COG3: variants seen among roughly 807,000 people sequenced by gnomAD.
The protein encoded by COG3 is conserved oligomeric Golgi complex subunit 3.
COG3 carries 32 observed loss-of-function variants against 114.1 expected under a neutral mutation model. That is an observed-to-expected ratio of 0.28 (90% confidence interval 0.21 to 0.38). COG3 has a LOEUF of 0.38. COG3 is among the 10% of genes least tolerant of loss of function. The pLI, the probability that COG3 is intolerant of heterozygous loss-of-function variation, is 1.00. For missense variants in COG3, 813 were observed against 973.2 expected (o/e 0.84, Z 2.19); for synonymous variants, 352 against 365.7 (o/e 0.96, Z 0.43).
chr13:45,516,121 AT>A, intron 16 of COG3, 21 bp from the exon 17 acceptor site: 2 of 1,513,470 alleles, frequency 1.3e-6, no homozygotes, highest in African/African-American at 1.4e-5. Flanking sequence ...GATCATATCC[AT>A]TTTTCTGTCT....
chr13:45,534,491 AAAC>A (rs1873419731), intron 22 of COG3: 1 of 410,752 alleles, frequency 2.4e-6, no homozygotes, highest in South Asian at 6.9e-5. Context: ...TTGGGGCTCT[AAAC>A]AACTTTTTTT....
At chr13:45,526,190 A>G (rs1321124774) in intron 20 of COG3, among the ~76,000 whole-genome samples, 2 of 139,732 alleles carry the variant, frequency 1.4e-5, no homozygotes, top group Admixed American at 7.9e-5. Flanking sequence ...GATTTAACCA[A>G]TTCTCCTGCC....
chr13:45,534,811 G>GTTTT lies in COG3; in HGVS notation c.*80_*81insTTTT. On this transcript the variant is annotated 3_prime_UTR_variant, in exon 23 of 23. Coordinates refer to ENST00000349995, the MANE Select transcript of COG3 (RefSeq NM_031431.4). The stretch of plus-strand genomic sequence containing the variant: ...AGTCTTGCAGTCTGCAGGACACCGA[G>GTTTT]GAATCGTATGTGGGAACGTCCCCGA... The GTTTT allele has an allele frequency of 6.9e-7, 1 of 1,451,368 alleles. No individual in the cohort carries two copies. The highest frequency in any genetic ancestry group is 9.1e-7 in the Non-Finnish European group (1 of 1,101,208). 89.9% of individuals were successfully genotyped at this position (1,451,368 alleles called of 1,614,324 possible). A position where few individuals can be genotyped will look rare whatever the true frequency, so the allele number is the denominator to read the frequency against.
At chr13:45,497,370 A>C (rs1868921259) in intron 13 of COG3, among the ~76,000 whole-genome samples, 1 of 152,194 alleles carries the variant, frequency 6.6e-6, no homozygotes, top group Admixed American at 6.5e-5. Flanking sequence ...CAAAAGTAGA[A>C]ACTGTAATAT....
intron 14 of COG3, among the ~76,000 whole-genome samples, chr13:45,505,154 T>C (rs1566260304): frequency 6.6e-6 from 1 of 150,582 alleles, no homozygotes; most frequent in East Asian, 2.0e-4. Flanking sequence ...GCCACTGTAC[T>C]CCAGCCTGGG....
In COG3 at chr13:45,497,735, G is replaced by A. The variant is rs1341090259; in HGVS notation, c.1488+1423G>A. On this transcript the variant is annotated intron_variant, in intron 13 of 22. Coordinates refer to ENST00000349995, the MANE Select transcript of COG3 (RefSeq NM_031431.4). The stretch of plus-strand genomic sequence containing the variant: ...CGGGAGGTGGAGGTTTCAGGGAGCC[G>A]AGATCACGCCATTGCACTCCAGCCT... 2.0e-5 allele frequency among the ~76,000 whole-genome samples: 3 copies of A among 151,724 alleles called. No homozygotes were observed. In the East Asian group the frequency reaches 5.8e-4, roughly 29 times the overall value.
At chr13:45,526,277 G>A (rs1265137751) in intron 20 of COG3, among the ~76,000 whole-genome samples, 1 of 151,108 alleles carries the variant, frequency 6.6e-6, no homozygotes, top group Admixed American at 6.6e-5. Context: ...GTAGAGACGG[G>A]GTTTTACCAT....
At chr13:45,494,871 T>TA (rs1470772039) in intron 12 of COG3, among the ~76,000 whole-genome samples, 3 of 148,966 alleles carry the variant, frequency 2.0e-5, no homozygotes, top group Non-Finnish European at 4.5e-5. Context: ...TTTCTTTTTT[T>TA]TTTTTTTGAG....
intron 11 of COG3, 57 bp from the exon 12 acceptor site, chr13:45,493,290 T>G (rs566701846): frequency 7.1e-7 from 1 of 1,408,116 alleles, no homozygotes; most frequent in East Asian, 2.3e-5. Flanking sequence ...ATTTCTAAAT[T>G]ATTACAAAAT....
intron 20 of COG3, among the ~76,000 whole-genome samples, chr13:45,528,666 T>C (rs1056003378): frequency 6.6e-6 from 1 of 152,208 alleles, no homozygotes; most frequent in African/African-American, 2.4e-5. Flanking sequence ...CAAATGAGAT[T>C]GTACTATACC....
intron 10 of COG3, 59 bp downstream of exon 10, chr13:45,491,597 C>T: frequency 6.6e-7 from 1 of 1,511,390 alleles, no homozygotes. Flanking sequence ...ATGTTGATAT[C>T]CTAGAAACTA....
intron 1 of COG3, among the ~76,000 whole-genome samples, chr13:45,474,328 T>A (rs1034983752): frequency 2.6e-5 from 4 of 151,980 alleles, no homozygotes; most frequent in African/African-American, 9.7e-5. Context: ...CGGCTAATTT[T>A]TTTTTGTGTG....
At chr13:45,534,665 TAGG>T in intron 22 of COG3, 34 bp from the exon 23 acceptor site, 1 of 1,485,834 alleles carries the variant, frequency 6.7e-7, no homozygotes. Flanking sequence ...CGGTATTCCA[TAGG>T]AGAACTAACA....
chr13:45,499,325 C>T (rs564070965), intron 13 of COG3, among the ~76,000 whole-genome samples: 1 of 152,238 alleles, frequency 6.6e-6, no homozygotes, highest in African/African-American at 2.4e-5. Context: ...TAATAGCAAA[C>T]TTAATTCAAG....
At chr13:45,508,407 C>T (rs866005024) in intron 14 of COG3, among the ~76,000 whole-genome samples, 1,973 of 91,696 alleles carry the variant, frequency 0.022, 39 homozygotes, top group African/African-American at 0.11. Context: ...TATATATACA[C>T]ACACACACAC....
chr13:45,532,813 TC>T lies in COG3; in HGVS notation c.2458-1886del, dbSNP rs57378710. 4.6e-3 allele frequency among the ~76,000 whole-genome samples: 699 copies of T among 152,176 alleles called. 6 individuals carry two copies. The highest frequency in any genetic ancestry group is 0.016 in the African/African-American group (660 of 41,506). On this transcript the variant is annotated intron_variant, in intron 22 of 22. Transcript: ENST00000349995. ...ACCGCGTGATCCACCCGCCTCAGCC[TC>T]CCAAAGTGCTGGGATTACAGGCGTG...
At position 45,492,234 on chromosome 13, in the gene COG3, C is replaced by T. The variant is rs780817540; in HGVS notation, c.1171C>T (p.Pro391Ser). Residue 391 changes from proline to serine, a missense_variant, in exon 11 of 23, where the codon CCA becomes TCA. By Grantham distance (74) the Pro-to-Ser change is moderately conservative. This residue lies in a region of COG3 where 389 missense variants were observed against 542.6 expected (regional missense o/e 0.72). Coordinates refer to ENST00000349995, the MANE Select transcript of COG3 (RefSeq NM_031431.4). The part of the protein sequence containing the change: ...HQLYNEFFTK[P>S]TSKLDELLEK... ...ACTTTACAATGAATTTTTCACAAAA[C>T]CAACATCAAAATTAGAGTAGGTGGA... 1.9e-6 allele frequency: 3 copies of T among 1,603,406 alleles called. No homozygotes were observed. Among genetic ancestry groups the T allele is most frequent in the East Asian group, 2.3e-5 (1 of 44,290 alleles).
chr13:45,516,343 A>T (rs1026258348), intron 17 of COG3, 80 bp downstream of exon 17: 3 of 1,234,396 alleles, frequency 2.4e-6, no homozygotes, highest in African/African-American at 3.0e-5. Flanking sequence ...GGTTTATTTT[A>T]TGTTCATCTG....
chr13:45,488,621 G>A (rs1013202975), intron 8 of COG3, among the ~76,000 whole-genome samples: 5 of 151,934 alleles, frequency 3.3e-5, no homozygotes, highest in African/African-American at 1.2e-4. Flanking sequence ...GTGAGATTAG[G>A]GGGTGAATTA....
Sources: gnomAD v4.1 joint callset for allele counts (sites outside exome capture counted in the v4.1 genomes callset) on GRCh38, gnomAD v4.1.1 for gene constraint, gnomAD v4.1.1 regional missense constraint, MANE v1.5 for transcripts, NCBI Gene and HGNC (gene_info 2026-07-23, HGNC 2026-07-21) for gene names.